LRP1B: variants seen among roughly 807,000 people sequenced by gnomAD.
LRP1B encodes the protein low-density lipoprotein receptor-related protein 1B.
Under a neutral mutation model 556.6 loss-of-function variants are expected in LRP1B, and 217 were observed. That is an observed-to-expected ratio of 0.39 (90% CI 0.35 to 0.44). The LOEUF is 0.44. Ranked by LOEUF, LRP1B falls within the 20% of genes least tolerant of loss-of-function variation. LRP1B has a pLI of 1.00. For missense variants in LRP1B, 5,053 were observed against 5,620.8 expected, an observed-to-expected ratio of 0.90 and a Z score of 3.23; for synonymous variants, 2,047 against 1,865.8, an observed-to-expected ratio of 1.10 and a Z score of -2.50.
chr2:141,251,711 C>T (rs1416516389), intron 4 of LRP1B, among the ~76,000 whole-genome samples: 1 of 151,788 alleles, frequency 6.6e-6, no homozygotes, highest in Non-Finnish European at 1.5e-5. Flanking sequence ...GCAAAACAAG[C>T]ATGGGTGGAT....
intron 1 of LRP1B, among the ~76,000 whole-genome samples, chr2:141,877,879 TA>T (rs1558935196): frequency 6.6e-6 from 1 of 151,974 alleles, no homozygotes; most frequent in African/African-American, 2.4e-5. Flanking sequence ...CAGTTACCAC[TA>T]AAATAGATGT....
At chr2:141,258,718 GATA>G (rs1314453432) in intron 3 of LRP1B, among the ~76,000 whole-genome samples, 1 of 152,114 alleles carries the variant, frequency 6.6e-6, no homozygotes, top group Non-Finnish European at 1.5e-5. Flanking sequence ...CTGTTCTCAT[GATA>G]ATAAGTGAGT....
At chr2:140,537,734 T>C (rs1206529488) in intron 45 of LRP1B, among the ~76,000 whole-genome samples, 1 of 152,110 alleles carries the variant, frequency 6.6e-6, no homozygotes, top group Non-Finnish European at 1.5e-5. Context: ...AATTAAGAGT[T>C]TGAGTTTTTA....
chr2:141,091,054 T>C (rs1414045305), intron 7 of LRP1B, among the ~76,000 whole-genome samples: 1 of 152,224 alleles, frequency 6.6e-6, no homozygotes, highest in Non-Finnish European at 1.5e-5. Flanking sequence ...CTAGAGTTGC[T>C]GGATACATGA....
chr2:141,324,729 A>G (rs1687374466), intron 3 of LRP1B, among the ~76,000 whole-genome samples: 1 of 152,120 alleles, frequency 6.6e-6, no homozygotes, highest in East Asian at 1.9e-4. Flanking sequence ...TTGTATTAAG[A>G]AAGTCTGTAT....
At chr2:140,692,262 T>A (rs1686272204) in intron 41 of LRP1B, among the ~76,000 whole-genome samples, 1 of 152,154 alleles carries the variant, frequency 6.6e-6, no homozygotes, top group Non-Finnish European at 1.5e-5. Context: ...TTGAGAATAT[T>A]TTTATTGTGT....
chr2:140,738,740 C>T (rs143669608), intron 35 of LRP1B, among the ~76,000 whole-genome samples: 1 of 152,234 alleles, frequency 6.6e-6, no homozygotes, highest in African/African-American at 2.4e-5. Flanking sequence ...GTCTCTATCG[C>T]CATCTTTACT....
intron 7 of LRP1B, among the ~76,000 whole-genome samples, chr2:141,161,632 A>T (rs1220502840): frequency 6.6e-6 from 1 of 152,132 alleles, no homozygotes; most frequent in African/African-American, 2.4e-5. Context: ...TTGTATAGCA[A>T]ATAGCTTGGG....
chr2:140,962,811 T>G (rs956314188), intron 18 of LRP1B, among the ~76,000 whole-genome samples: 5 of 152,204 alleles, frequency 3.3e-5, no homozygotes, highest in Non-Finnish European at 7.3e-5. Context: ...TCATTTCGTT[T>G]TGTTTTTTGG....
intron 7 of LRP1B, among the ~76,000 whole-genome samples, chr2:141,064,172 CAG>C (rs1015281249): frequency 2.0e-5 from 3 of 151,804 alleles, no homozygotes; most frequent in African/African-American, 7.3e-5. Flanking sequence ...ACATCTAAAA[CAG>C]AGAATTTTCA....
At chr2:142,086,988 T>C (rs1335171860) in intron 1 of LRP1B, among the ~76,000 whole-genome samples, 1 of 152,196 alleles carries the variant, frequency 6.6e-6, no homozygotes, top group South Asian at 2.1e-4. Flanking sequence ...AATTTGTCCT[T>C]CTGTGATTTT....
At position 141,239,985 on chromosome 2, in the gene LRP1B, C is replaced by G. The variant is rs570075338; in HGVS notation, c.592+7241G>C. Among the ~76,000 whole-genome samples, 4 of 152,134 alleles carry G rather than the reference C, an allele frequency of 2.6e-5. No individual in the cohort carries two copies. In the South Asian group the frequency reaches 8.3e-4, roughly 32 times the overall value. Reference sequence around the variant, plus strand: ...TGTATCAAACTTCTAGCTACTTTATCAGCTATGTTCTTTGTAACTTGATGT... The same window carrying G: ...TGTATCAAACTTCTAGCTACTTTATGAGCTATGTTCTTTGTAACTTGATGT... On this transcript the variant is annotated intron_variant, in intron 5 of 90. Transcript: ENST00000389484.
At chr2:141,471,272 T>TA (rs1682455178) in intron 3 of LRP1B, among the ~76,000 whole-genome samples, 1 of 111,742 alleles carries the variant, frequency 8.9e-6, no homozygotes, top group Admixed American at 1.1e-4. Context: ...CCTGGTATTT[T>TA]TTTTTTTTTT....
In LRP1B at chr2:142,015,245, C is replaced by T. The variant is rs1318717513; in HGVS notation, c.82+115403G>A. Among the ~76,000 whole-genome samples the T allele has an allele frequency of 2.6e-5, 4 of 152,110 alleles. No homozygotes were observed. The East Asian group carries it at 7.7e-4, about 29-fold the overall frequency. On this transcript the variant is annotated intron_variant, in intron 1 of 90. Coordinates refer to ENST00000389484, the MANE Select transcript of LRP1B (RefSeq NM_018557.3). ...ACATCTACAAGCAGCTGACCTTTGA[C>T]AAACCTGACAAAAATAATCAATGGA...
chr2:140,941,165 C>T (rs1357133821), intron 20 of LRP1B, among the ~76,000 whole-genome samples: 2 of 152,058 alleles, frequency 1.3e-5, no homozygotes, highest in African/African-American at 2.4e-5. Flanking sequence ...CTAGGAGAAA[C>T]TATTCATTTA....
chr2:141,618,583 A>G (rs758657940), intron 2 of LRP1B, among the ~76,000 whole-genome samples: 3 of 152,216 alleles, frequency 2.0e-5, no homozygotes, highest in African/African-American at 4.8e-5. Flanking sequence ...GGTCATTTAC[A>G]TGACCACCTG....
chr2:140,545,945 T>A (rs1196947076), intron 43 of LRP1B, among the ~76,000 whole-genome samples: 2 of 151,850 alleles, frequency 1.3e-5, no homozygotes, highest in African/African-American at 2.4e-5. Context: ...TGAGCAGTGT[T>A]TTGTAGTACT....
intron 2 of LRP1B, among the ~76,000 whole-genome samples, chr2:141,636,924 T>G (rs1277066967): frequency 6.6e-6 from 1 of 152,142 alleles, no homozygotes. Context: ...TATAGAAGGA[T>G]GCCTGGAAAA....
chr2:141,795,701 C>A (rs1419608503), intron 2 of LRP1B, among the ~76,000 whole-genome samples: 4 of 151,442 alleles, frequency 2.6e-5, no homozygotes, highest in African/African-American at 9.7e-5. Context: ...ACTATGTGTC[C>A]TTAAGCCTGT....
Sources: gnomAD v4.1 joint callset for allele counts (sites outside exome capture counted in the v4.1 genomes callset) on GRCh38, gnomAD v4.1.1 for gene constraint, MANE v1.5 for transcripts, NCBI Gene and HGNC (gene_info 2026-07-23, HGNC 2026-07-21) for gene names.